XYLT1: variants seen among roughly 807,000 people sequenced by gnomAD.
XYLT1 encodes the protein beta-D-xylosyltransferase 1.
Under a neutral mutation model 91.3 loss-of-function variants are expected in XYLT1, and 36 were observed. That is an observed-to-expected ratio of 0.39 (90% CI 0.30 to 0.52). XYLT1 has a LOEUF of 0.52. XYLT1 is among the 20% of genes least tolerant of loss of function. The pLI is 0.68. For synonymous variants in XYLT1, 588 were observed against 532.0 expected, an observed-to-expected ratio of 1.11 and a Z score of -1.45; for missense variants, 1,242 against 1,284.5, an observed-to-expected ratio of 0.97 and a Z score of 0.51.
rs1200683162 is a variant in XYLT1 at position 17,107,108 on chromosome 16, TAATA to T, written c.*1583_*1586del. 6.6e-5 allele frequency: 10 copies of T among 152,064 alleles called. No individual in the cohort carries two copies. The highest frequency in any genetic ancestry group is 2.1e-4 in the South Asian group (1 of 4,824). The allele number at this position is 152,064 out of a possible 1,614,324, so 9.4% of individuals were successfully genotyped here. ...TTAGTCATCGACTAAAACATGTAAATAATAAATATCTAAAGTGTCCCTTCTCTAC... is the reference window on the plus strand; with the variant it reads ...TTAGTCATCGACTAAAACATGTAAATAATATCTAAAGTGTCCCTTCTCTAC... On this transcript the variant is annotated 3_prime_UTR_variant, in exon 12 of 12. Coordinates refer to ENST00000261381, the MANE Select transcript of XYLT1 (RefSeq NM_022166.4).
At chr16:17,119,297 T>A (rs2029964154) in intron 10 of XYLT1, among the ~76,000 whole-genome samples, 1 of 152,160 alleles carries the variant, frequency 6.6e-6, no homozygotes, top group African/African-American at 2.4e-5. Flanking sequence ...TCAAATCAAA[T>A]TAAATTAGGG....
chr16:17,366,427 G>A (rs1315602590), intron 1 of XYLT1, among the ~76,000 whole-genome samples: 1 of 152,218 alleles, frequency 6.6e-6, no homozygotes, highest in Non-Finnish European at 1.5e-5. Context: ...AACTGTCTGG[G>A]TGTTGTGGCT....
In XYLT1 at chr16:17,260,298, G is replaced by C. The variant is rs115428652; in HGVS notation, c.403-800C>G. 9.2e-3 allele frequency among the ~76,000 whole-genome samples: 1,404 copies of C among 152,246 alleles called. 20 individuals are homozygous for C. Among genetic ancestry groups the C allele is most frequent in the African/African-American group, 0.031 (1,308 of 41,536 alleles). ...AAATGGGTCCTGGTTACTTTGATCA[G>C]TCGAATGATCAAATGCATCATTCAA... On this transcript the variant is annotated intron_variant, in intron 2 of 11. Coordinates refer to ENST00000261381, the MANE Select transcript of XYLT1 (RefSeq NM_022166.4).
intron 3 of XYLT1, among the ~76,000 whole-genome samples, chr16:17,203,116 T>C (rs2032573559): frequency 6.6e-6 from 1 of 152,184 alleles, no homozygotes; most frequent in African/African-American, 2.4e-5. Context: ...ATTCCAAAGA[T>C]CATGCCCTGA....
At chr16:17,335,299 C>T (rs138043169) in intron 2 of XYLT1, among the ~76,000 whole-genome samples, 125 of 152,002 alleles carry the variant, frequency 8.2e-4, no homozygotes, top group Non-Finnish European at 1.9e-4. Context: ...ACATATGAGG[C>T]AGCCCCTTTT....
At chr16:17,429,833 ACTGGATTTCATGACCAGCTTTC>A (rs1218312180) in intron 1 of XYLT1, among the ~76,000 whole-genome samples, 1 of 151,842 alleles carries the variant, frequency 6.6e-6, no homozygotes, top group African/African-American at 2.4e-5. Flanking sequence ...TTGGCCTGGG[ACTGGATTTCATGACCAGCTTTC>A]CTGGGTCTCC....
intron 1 of XYLT1, among the ~76,000 whole-genome samples, chr16:17,368,558 G>A (rs1298628451): frequency 9.0e-6 from 1 of 111,604 alleles, no homozygotes; most frequent in Non-Finnish European, 1.9e-5. Flanking sequence ...AGACTGGATA[G>A]ATAGATTTTT....
chr16:17,300,174 T>TC (rs2034372432), intron 2 of XYLT1, among the ~76,000 whole-genome samples: 1 of 152,186 alleles, frequency 6.6e-6, no homozygotes, highest in African/African-American at 2.4e-5. Flanking sequence ...CTTGGATGGC[T>TC]CCGTAAGAAT....
intron 3 of XYLT1, among the ~76,000 whole-genome samples, chr16:17,202,563 G>A (rs1734424238): frequency 1.3e-5 from 2 of 152,082 alleles, no homozygotes; most frequent in South Asian, 2.1e-4. Flanking sequence ...GATCTGGAAC[G>A]CCCTCTCCCC....
At chr16:17,244,369 G>A (rs772735224) in intron 3 of XYLT1, among the ~76,000 whole-genome samples, 1 of 152,190 alleles carries the variant, frequency 6.6e-6, no homozygotes, top group Non-Finnish European at 1.5e-5. Flanking sequence ...AGGCACGAGA[G>A]ATGTTACTAA....
At position 17,104,640 on chromosome 16, in the gene XYLT1, TAAA is replaced by T. The variant is rs372308302; in HGVS notation, c.*4052_*4054del. ...GAATTTTTCTTTGCCCACTATCTGT[TAAA>T]AAAAACAAAAACAAACAAACAAACA... On this transcript the variant is annotated 3_prime_UTR_variant, in exon 12 of 12. Coordinates refer to ENST00000261381, the MANE Select transcript of XYLT1 (RefSeq NM_022166.4). The T allele has an allele frequency of 1.6e-4, 25 of 151,824 alleles. No homozygotes were observed. The highest frequency in any genetic ancestry group is 1.6e-3 in the Admixed American group (25 of 15,260). 9.4% of individuals were successfully genotyped at this position (151,824 alleles called of 1,614,324 possible).
intron 1 of XYLT1, among the ~76,000 whole-genome samples, chr16:17,443,332 C>T (rs772273720): frequency 1.6e-4 from 24 of 152,138 alleles, no homozygotes; most frequent in Non-Finnish European, 2.6e-4. Flanking sequence ...AATCTCATCT[C>T]GAACTGTAAT....
At chr16:17,454,809 G>A (rs1359096299) in intron 1 of XYLT1, among the ~76,000 whole-genome samples, 1 of 151,202 alleles carries the variant, frequency 6.6e-6, no homozygotes, top group African/African-American at 2.4e-5. Flanking sequence ...CAAAGTGCTG[G>A]GATTACAGGC....
intron 3 of XYLT1, among the ~76,000 whole-genome samples, chr16:17,228,773 T>C (rs1356224447): frequency 6.6e-6 from 1 of 152,164 alleles, no homozygotes; most frequent in Non-Finnish European, 1.5e-5. Context: ...ACAATCATTT[T>C]TACATGATTG....
At chr16:17,365,947 C>T (rs2035448852) in intron 1 of XYLT1, among the ~76,000 whole-genome samples, 1 of 151,958 alleles carries the variant, frequency 6.6e-6, no homozygotes, top group Non-Finnish European at 1.5e-5. Flanking sequence ...GAATTACCAT[C>T]TTAGAATTAC....
intron 2 of XYLT1, among the ~76,000 whole-genome samples, chr16:17,322,387 G>GTCA (rs951388556): frequency 2.0e-5 from 3 of 152,136 alleles, no homozygotes; most frequent in Middle Eastern, 3.4e-3. Flanking sequence ...AATCATCATC[G>GTCA]TCATCATCAT....
At chr16:17,395,932 T>C (rs1263084047) in intron 1 of XYLT1, among the ~76,000 whole-genome samples, 1 of 152,196 alleles carries the variant, frequency 6.6e-6, no homozygotes, top group African/African-American at 2.4e-5. Flanking sequence ...GGGGCTGTGA[T>C]GTTTCACAAG....
intron 1 of XYLT1, among the ~76,000 whole-genome samples, chr16:17,398,122 C>T (rs941374351): frequency 6.6e-6 from 1 of 151,954 alleles, no homozygotes; most frequent in Non-Finnish European, 1.5e-5. Context: ...ACGGAGGCCA[C>T]GTAAATATTG....
At chr16:17,216,044 A>C (rs1020890587) in intron 3 of XYLT1, among the ~76,000 whole-genome samples, 2 of 152,164 alleles carry the variant, frequency 1.3e-5, no homozygotes, top group African/African-American at 4.8e-5. Context: ...AGGGGCCCCC[A>C]TATCCTGCAC....
Sources: allele counts gnomAD v4.1 joint callset (sites outside exome capture counted in the v4.1 genomes callset), GRCh38; gene constraint gnomAD v4.1.1; transcripts MANE v1.5; gene names NCBI Gene and HGNC (gene_info 2026-07-23, HGNC 2026-07-21).